DPP6: variants seen among roughly 807,000 people sequenced by gnomAD.
DPP6 encodes dipeptidyl peptidase like 6.
A neutral mutation model predicts 122.6 loss-of-function variants in DPP6; 69 were observed. That is an observed-to-expected ratio of 0.56 (90% CI 0.46 to 0.69). The LOEUF is 0.69. DPP6 is among the 30% of genes least tolerant of loss of function. The pLI, the probability that DPP6 is intolerant of heterozygous loss-of-function variation, is 0.00. For synonymous variants in DPP6, 418 were observed against 433.1 expected, an observed-to-expected ratio of 0.97 and a Z score of 0.43; for missense variants, 928 against 1,116.9, an observed-to-expected ratio of 0.83 and a Z score of 2.41.
chr7:153,757,896 T>C, the DPP6 span, among the ~76,000 whole-genome samples: 1 of 151,998 alleles, frequency 6.6e-6, no homozygotes, highest in South Asian at 2.1e-4. Flanking sequence ...GAGGTAGAGG[T>C]TGCAGTGAGC....
chr7:154,781,352 C>T (rs931589220), intron 10 of DPP6, among the ~76,000 whole-genome samples: 1 of 152,114 alleles, frequency 6.6e-6, no homozygotes, highest in Non-Finnish European at 1.5e-5. Context: ...TGCCGCAGTC[C>T]CTAAGGCGCG....
At chr7:154,355,436 T>C (rs1040993073) in intron 1 of DPP6, among the ~76,000 whole-genome samples, 3 of 152,216 alleles carry the variant, frequency 2.0e-5, no homozygotes, top group African/African-American at 7.2e-5. Flanking sequence ...TAATGAAATA[T>C]CTAGTGTTAT....
chr7:153,810,794 C>A, the DPP6 span, among the ~76,000 whole-genome samples: 1 of 150,786 alleles, frequency 6.6e-6, no homozygotes, highest in African/African-American at 2.4e-5. Context: ...TCCTAATCAA[C>A]TTTCATTTTT....
intron 16 of DPP6, among the ~76,000 whole-genome samples, chr7:154,819,739 C>A (rs1243536442): frequency 6.6e-6 from 1 of 152,060 alleles, no homozygotes; most frequent in Non-Finnish European, 1.5e-5. Context: ...GAAGGGGCCC[C>A]AATGGACTAA....
Position 154,408,945 on chromosome 7 carries a change from A to G in DPP6, c.244-37269A>G, listed in dbSNP as rs147263632. On this transcript the variant is annotated intron_variant, in intron 1 of 25. Coordinates refer to ENST00000377770, the MANE Select transcript of DPP6 (RefSeq NM_130797.4). ...TATTTGAGGTCAGGAGTTCAAGACC[A>G]GCCTGACCAACATGGTGAAACCACA... Among the ~76,000 whole-genome samples the G allele has an allele frequency of 6.0e-3, 920 of 152,264 alleles. 10 individuals are homozygous for G. The highest frequency in any genetic ancestry group is 0.02 in the African/African-American group (838 of 41,558).
chr7:154,794,785 C>A (rs1797917916), intron 11 of DPP6, among the ~76,000 whole-genome samples: 1 of 152,252 alleles, frequency 6.6e-6, no homozygotes, highest in African/African-American at 2.4e-5. Flanking sequence ...GCAGGCGGCC[C>A]ACGGCCTCAC....
In DPP6 at chr7:153,971,564, C is replaced by T. The variant is rs1449686018; in HGVS notation, c.51+83830C>T. ...TTCAGTATGTTACTTGTCAGTTTCT[C>T]ATAGATATCATTTGGCAGATATCTT... On this transcript the variant is annotated intron_variant, in intron 1 of 25. Transcript: ENST00000404039. 7.7e-5 allele frequency among the ~76,000 whole-genome samples: 10 copies of T among 130,602 alleles called. No homozygotes were observed. In the South Asian group the frequency reaches 1.1e-3, roughly 15 times the overall value. 85.7% of individuals were successfully genotyped at this position (130,602 alleles called of 152,430 possible).
intron 5 of DPP6, among the ~76,000 whole-genome samples, chr7:154,594,134 G>A (rs1832955932): frequency 6.6e-6 from 1 of 152,046 alleles, no homozygotes; most frequent in African/African-American, 2.4e-5. Context: ...CATTCTTATG[G>A]GTCCTCTGGT....
At chr7:154,397,357 G>T (rs901403299) in intron 1 of DPP6, among the ~76,000 whole-genome samples, 3 of 151,992 alleles carry the variant, frequency 2.0e-5, no homozygotes, top group Admixed American at 2.0e-4. Context: ...GAGACAATCT[G>T]CCTGAGAAAG....
At chr7:154,825,238 C>T (rs771658965) in intron 16 of DPP6, among the ~76,000 whole-genome samples, 52 of 152,246 alleles carry the variant, frequency 3.4e-4, no homozygotes, top group South Asian at 1.7e-3. Flanking sequence ...CCAGAGGGAG[C>T]CATAACAGAA....
At chr7:154,519,297 C>T (rs1826784352) in intron 3 of DPP6, among the ~76,000 whole-genome samples, 1 of 152,214 alleles carries the variant, frequency 6.6e-6, no homozygotes, top group Admixed American at 6.5e-5. Flanking sequence ...CAGTCTGTCC[C>T]TCTGTCCCTC....
chr7:154,030,788 G>A (rs1799185368), intron 1 of DPP6, among the ~76,000 whole-genome samples: 1 of 152,048 alleles, frequency 6.6e-6, no homozygotes, highest in Non-Finnish European at 1.5e-5. Context: ...AGTCCCTGGT[G>A]ACCACTCACA....
At chr7:153,944,663 G>GTTTTTTTTTTTTT (rs769081715) in intron 1 of DPP6, among the ~76,000 whole-genome samples, 2 of 103,952 alleles carry the variant, frequency 1.9e-5, no homozygotes. Flanking sequence ...TTTTTGTGTG[G>GTTTTTTTTTTTTT]GTTTTTTTTT....
At chr7:154,177,109 C>T (rs1373391345) in intron 1 of DPP6, among the ~76,000 whole-genome samples, 1 of 152,160 alleles carries the variant, frequency 6.6e-6, no homozygotes, top group Non-Finnish European at 1.5e-5. Context: ...GCTGGGTTTA[C>T]AGGCATGAGT....
the DPP6 span, among the ~76,000 whole-genome samples, chr7:153,783,436 A>T: frequency 6.6e-6 from 1 of 152,158 alleles, no homozygotes; most frequent in Non-Finnish European, 1.5e-5. Flanking sequence ...CCCATAATTC[A>T]ATTACCTCCA....
At chr7:154,172,610 T>TG (rs1797592623) in intron 1 of DPP6, among the ~76,000 whole-genome samples, 1 of 148,322 alleles carries the variant, frequency 6.7e-6, no homozygotes, top group Non-Finnish European at 1.5e-5. Flanking sequence ...TTTTTCTTTT[T>TG]TTTTTTTTTT....
intron 1 of DPP6, among the ~76,000 whole-genome samples, chr7:154,280,781 A>G (rs1008017469): frequency 6.6e-6 from 1 of 152,104 alleles, no homozygotes; most frequent in Non-Finnish European, 1.5e-5. Flanking sequence ...ACCTTAATAG[A>G]TCACTCACTT....
At chr7:154,818,193 G>GAGAC (rs1799539609) in intron 16 of DPP6, among the ~76,000 whole-genome samples, 1 of 152,202 alleles carries the variant, frequency 6.6e-6, no homozygotes, top group South Asian at 2.1e-4. Flanking sequence ...CATGCATGAA[G>GAGAC]AGACGCAGAT....
At chr7:154,271,956 T>C (rs938574685) in intron 1 of DPP6, among the ~76,000 whole-genome samples, 2 of 152,248 alleles carry the variant, frequency 1.3e-5, no homozygotes, top group African/African-American at 4.8e-5. Context: ...TGAAAGTCTG[T>C]AACCAAAACT....
Sources: gnomAD v4.1 joint callset for allele counts (sites outside exome capture counted in the v4.1 genomes callset) on GRCh38, gnomAD v4.1.1 for gene constraint, MANE v1.5 for transcripts, NCBI Gene and HGNC (gene_info 2026-07-23, HGNC 2026-07-21) for gene names.